Variants in CD83 observed in about 807,000 individuals in gnomAD.
The protein encoded by CD83 is CD83 molecule, also known as CD83 antigen.
Under a neutral mutation model 24.6 loss-of-function variants are expected in CD83, and 22 were observed. The ratio of observed to expected loss-of-function variants is 0.90; its 90% CI spans 0.64 to 1.28. The LOEUF is 1.28. CD83 is among the 50% of genes most tolerant of loss of function. The pLI is 0.00. For synonymous variants in CD83, 101 were observed against 103.5 expected (o/e 0.98, Z 0.14); for missense variants, 253 against 252.8 (o/e 1.00, Z -0.01).
In CD83 at chr6:14,135,303, A is replaced by G; in HGVS notation, c.*67A>G. ...GGGGTGTGCCTGTCTGTTACACTGG[A>G]GGAGAGAAGAATGAGCCTACGCTGA... On this transcript the variant is annotated 3_prime_UTR_variant, in exon 5 of 5. Coordinates refer to ENST00000379153, the MANE Select transcript of CD83 (RefSeq NM_004233.4). 1.3e-6 allele frequency: 2 copies of G among 1,541,046 alleles called. No individual in the cohort carries two copies. The highest frequency in any genetic ancestry group is 1.8e-6 in the Non-Finnish European group (2 of 1,129,838).
At chr6:14,120,980 G>A (rs542222528) in intron 2 of CD83, among the ~76,000 whole-genome samples, 15 of 152,314 alleles carry the variant, frequency 9.8e-5, no homozygotes, top group African/African-American at 3.6e-4. Context: ...GAAGCCAAAA[G>A]TGGACAGAGA....
Position 14,131,504 on chromosome 6 carries a change from G to C in CD83, c.154-16G>C. The C allele has an allele frequency of 6.3e-7, 1 of 1,596,452 alleles. No homozygotes were observed. The highest frequency in any genetic ancestry group is 8.6e-7 in the Non-Finnish European group (1 of 1,164,040). On this transcript the variant is annotated splice_polypyrimidine_tract_variant and intron_variant, in intron 2 of 4. Coordinates refer to ENST00000379153, the MANE Select transcript of CD83 (RefSeq NM_004233.4). ...CTTGCAGTGGACCGTGATGCGCTCT[G>C]ATTCCTTCTTCACAGTTATTGGAGG... is the stretch of plus-strand genomic sequence containing the variant.
intron 2 of CD83, among the ~76,000 whole-genome samples, chr6:14,121,784 A>G (rs1012156720): frequency 1.3e-5 from 2 of 152,148 alleles, no homozygotes; most frequent in African/African-American, 4.8e-5. Flanking sequence ...GTCTGTGAGG[A>G]GTAAAGCCAT....
chr6:14,131,608 C>T lies in CD83; in HGVS notation c.242C>T (p.Ser81Phe), dbSNP rs749639176. The T allele has an allele frequency of 1.2e-6, 2 of 1,614,142 alleles. No individual in the cohort carries two copies. Among genetic ancestry groups the T allele is most frequent in the Non-Finnish European group, 1.7e-6 (2 of 1,180,012 alleles). ...TATCATCAGAAGGGGCAAAATGGTTCTTTCGACGCCCCCAATGAAAGGCCC... is the reference window on the plus strand; with the variant it reads ...TATCATCAGAAGGGGCAAAATGGTTTTTTCGACGCCCCCAATGAAAGGCCC... ...QHYHQKGQNG[S>F]FDAPNERPYS... The change falls in exon 3 of 5, where the codon TCT becomes TTT. Residue 81 changes from serine to phenylalanine, a missense_variant. Transcript: ENST00000379153.
At chr6:14,121,190 GAC>G (rs1380165802) in intron 2 of CD83, among the ~76,000 whole-genome samples, 1 of 151,974 alleles carries the variant, frequency 6.6e-6, no homozygotes. Flanking sequence ...TATTTTTTGA[GAC>G]AGAGTGTCAC....
intron 2 of CD83, among the ~76,000 whole-genome samples, chr6:14,124,414 C>T (rs1286223465): frequency 6.6e-6 from 1 of 152,160 alleles, no homozygotes; most frequent in Non-Finnish European, 1.5e-5. Flanking sequence ...ATAGGGAAAA[C>T]CTTTAGGAAA....
intron 2 of CD83, among the ~76,000 whole-genome samples, chr6:14,120,089 C>G (rs1386198138): frequency 6.6e-6 from 1 of 152,114 alleles, no homozygotes; most frequent in Admixed American, 6.5e-5. Flanking sequence ...TTCTTTTTTT[C>G]CTGTTGATCC....
At chr6:14,128,961 A>T (rs1178243897) in intron 2 of CD83, among the ~76,000 whole-genome samples, 1 of 152,200 alleles carries the variant, frequency 6.6e-6, no homozygotes, top group Non-Finnish European at 1.5e-5. Flanking sequence ...CCCAGCAGCT[A>T]ACACAATAAT....
At chr6:14,119,569 C>T (rs901488852) in intron 2 of CD83, among the ~76,000 whole-genome samples, 3 of 152,176 alleles carry the variant, frequency 2.0e-5, no homozygotes, top group Non-Finnish European at 2.9e-5. Flanking sequence ...CACTTTTGCA[C>T]AGCTAGCTAA....
At chr6:14,124,029 T>C (rs1759732292) in intron 2 of CD83, among the ~76,000 whole-genome samples, 1 of 152,258 alleles carries the variant, frequency 6.6e-6, no homozygotes, top group Non-Finnish European at 1.5e-5. Flanking sequence ...CTAAATTTTG[T>C]ATCAACAATC....
In CD83 at chr6:14,135,339, C is replaced by A; in HGVS notation, c.*103C>A. The A allele has an allele frequency of 2.4e-6, 3 of 1,270,554 alleles. No individual in the cohort carries two copies. The highest frequency in any genetic ancestry group is 2.9e-5 in the South Asian group (2 of 70,112). The allele number at this position is 1,270,554 out of a possible 1,614,324, so 78.7% of individuals were successfully genotyped here. On this transcript the variant is annotated 3_prime_UTR_variant, in exon 5 of 5. Coordinates refer to ENST00000379153, the MANE Select transcript of CD83 (RefSeq NM_004233.4). The stretch of plus-strand genomic sequence containing the variant: ...ATGAGCCTACGCTGAAGATGGCATC[C>A]TGTGAAGTCCTTCACCTCACTGAAA...
At chr6:14,117,736 G>A (rs1028820386), upstream of CD83, 15 of 1,099,254 alleles carry the variant, frequency 1.4e-5, no homozygotes, top group African/African-American at 1.3e-4. The surrounding 1 kb of genome is among the most constrained non-coding windows in gnomAD (Gnocchi z 4.6). Context: ...GTTCCCGAAC[G>A]CGCGGGCATA....
chr6:14,132,039 G>T (rs1466227593), intron 3 of CD83, among the ~76,000 whole-genome samples: 1 of 152,150 alleles, frequency 6.6e-6, no homozygotes, highest in Non-Finnish European at 1.5e-5. Context: ...CTTCTGTCAG[G>T]GATCTGAAAG....
chr6:14,118,091 G>A, intron 2 of CD83, 26 bp downstream of exon 2: 1 of 1,511,714 alleles, frequency 6.6e-7, no homozygotes. Flanking sequence ...CCCACGGGCT[G>A]GGGTTTGGTG....
chr6:14,128,838 G>A (rs1008620677), intron 2 of CD83, among the ~76,000 whole-genome samples: 3 of 152,248 alleles, frequency 2.0e-5, no homozygotes, highest in Admixed American at 6.5e-5. Flanking sequence ...AAATCTAACC[G>A]TCAAATAAAT....
chr6:14,117,906 T>A lies in CD83; in HGVS notation c.38-44T>A. 1 of 1,579,558 alleles carries A rather than the reference T, an allele frequency of 6.3e-7. No homozygotes were observed. The highest frequency in any genetic ancestry group is 8.6e-7 in the Non-Finnish European group (1 of 1,165,430). On this transcript the variant is annotated intron_variant, in intron 1 of 4. Coordinates refer to ENST00000379153, the MANE Select transcript of CD83 (RefSeq NM_004233.4). The surrounding 1 kb of genome is among the most constrained non-coding windows in gnomAD (Gnocchi z 4.6). ...CCCCCCGCCCCTCCACGACACCCCCTCCCGTCGGTCGCTTGCTCACGACGC... is the reference window on the plus strand; with the variant it reads ...CCCCCCGCCCCTCCACGACACCCCCACCCGTCGGTCGCTTGCTCACGACGC...
At chr6:14,118,404 C>G (rs920305346) in intron 2 of CD83, among the ~76,000 whole-genome samples, 3 of 152,098 alleles carry the variant, frequency 2.0e-5, no homozygotes, top group African/African-American at 7.2e-5. Flanking sequence ...GCCAGCAGGT[C>G]AGGAAGAAAG....
chr6:14,123,424 A>C (rs953678171), intron 2 of CD83, among the ~76,000 whole-genome samples: 3 of 152,220 alleles, frequency 2.0e-5, no homozygotes, highest in Non-Finnish European at 4.4e-5. Context: ...AAGCAAAGAC[A>C]ATGGCATAAT....
upstream of CD83, chr6:14,117,580 G>A (rs1184620121): frequency 5.6e-6 from 1 of 179,766 alleles, no homozygotes; most frequent in African/African-American, 2.4e-5. The surrounding 1 kb of genome is among the most constrained non-coding windows in gnomAD (Gnocchi z 4.6). Context: ...CGGCGAGGGC[G>A]GCGGGTGCGA....
Sources: gnomAD v4.1 joint callset for allele counts (sites outside exome capture counted in the v4.1 genomes callset) on GRCh38, gnomAD v4.1.1 for gene constraint, Gnocchi (gnomAD v3.1) non-coding constraint, MANE v1.5 for transcripts, NCBI Gene and HGNC (gene_info 2026-07-23, HGNC 2026-07-21) for gene names.